The following MTHFD1L variants were observed in gnomAD, a reference collection of about 807,000 sequenced individuals.
The protein encoded by MTHFD1L is methylenetetrahydrofolate dehydrogenase (NADP+ dependent) 1 like.
In MTHFD1L, 81 loss-of-function variants were observed where a neutral mutation model predicts 119.5. That is an observed-to-expected ratio of 0.68 (90% confidence interval 0.57 to 0.82). The LOEUF (loss-of-function observed/expected upper bound fraction) is 0.82, where lower values mean the gene tolerates loss of function less well. Ranked by LOEUF, MTHFD1L falls within the 40% of genes least tolerant of loss-of-function variation. The pLI is 0.00. For synonymous variants in MTHFD1L, 430 were observed against 475.2 expected (o/e 0.90, Z 1.24); for missense variants, 1,125 against 1,253.4 (o/e 0.90, Z 1.55).
chr6:151,047,236 C>T (rs1189318390), intron 26 of MTHFD1L, among the ~76,000 whole-genome samples: 1 of 152,112 alleles, frequency 6.6e-6, no homozygotes, highest in South Asian at 2.1e-4. Flanking sequence ...GTCACTGTTT[C>T]CAAGAACCTA....
chr6:150,894,408 C>T (rs1206728956), intron 7 of MTHFD1L, among the ~76,000 whole-genome samples: 2 of 152,072 alleles, frequency 1.3e-5, no homozygotes, highest in Non-Finnish European at 2.9e-5. Context: ...GAATATTGGC[C>T]AAGGGAGTGA....
chr6:150,943,764 C>G (rs1201129418), intron 13 of MTHFD1L, among the ~76,000 whole-genome samples: 4 of 152,026 alleles, frequency 2.6e-5, no homozygotes, highest in Admixed American at 2.6e-4. Context: ...GATGATTCTA[C>G]AAATGATAAT....
rs560484016 is a variant in MTHFD1L at position 150,948,851 on chromosome 6, G to T, written c.1624-180G>T. Among the ~76,000 whole-genome samples the T allele has an allele frequency of 5.3e-5, 8 of 151,760 alleles. No individual in the cohort carries two copies. The South Asian group carries it at 1.7e-3, about 32-fold the overall frequency. ...AGATGGGGTTTCTCCATGTTGGTCA[G>T]GCTGGTCTCGAACTCCTGACCTCAG... On this transcript the variant is annotated intron_variant, in intron 15 of 27. Coordinates refer to ENST00000367321, the MANE Select transcript of MTHFD1L (RefSeq NM_015440.5).
chr6:150,913,183 CAG>C (rs1787232581), intron 8 of MTHFD1L, among the ~76,000 whole-genome samples: 1 of 151,464 alleles, frequency 6.6e-6, no homozygotes, highest in South Asian at 2.1e-4. Context: ...TTTTTTGAGG[CAG>C]AGTCTCGCTC....
chr6:150,982,700 C>CT (rs767679868), intron 20 of MTHFD1L, among the ~76,000 whole-genome samples: 297 of 144,406 alleles, frequency 2.1e-3, no homozygotes, highest in South Asian at 2.8e-3. Flanking sequence ...CCTGACACTT[C>CT]TTTTTTTTTT....
chr6:151,087,407 G>C (rs1035930839), intron 26 of MTHFD1L, among the ~76,000 whole-genome samples: 2 of 152,068 alleles, frequency 1.3e-5, no homozygotes, highest in African/African-American at 4.8e-5. Context: ...TATGTAGAAG[G>C]ACTGTCTTCT....
At chr6:150,913,946 G>T (rs1787406969) in intron 8 of MTHFD1L, among the ~76,000 whole-genome samples, 1 of 152,128 alleles carries the variant, frequency 6.6e-6, no homozygotes, top group African/African-American at 2.4e-5. Context: ...GCCTGGCCGT[G>T]GTGAAACCCT....
In MTHFD1L at chr6:151,093,408, A is replaced by AAGCATGGTGGCTCACACCTGTAATCCC. The variant is rs1554302336; in HGVS notation, c.*31+825_*31+826insTGGTGGCTCACACCTGTAATCCCAGCA. On this transcript the variant is annotated intron_variant, in intron 27 of 27. Coordinates refer to ENST00000367321, the MANE Select transcript of MTHFD1L (RefSeq NM_015440.5). ...CTTCCAAATAAGATCACTCTCAGCC[A>AAGCATGGTGGCTCACACCTGTAATCCC]AGCACTTTGGGAGGCCGAGGTGGGT... 8.4e-3 allele frequency among the ~76,000 whole-genome samples: 1,279 copies of AAGCATGGTGGCTCACACCTGTAATCCC among 151,526 alleles called. 20 individuals are homozygous for AAGCATGGTGGCTCACACCTGTAATCCC. The highest frequency in any genetic ancestry group is 0.03 in the African/African-American group (1,225 of 41,238).
chr6:150,956,177 C>T, intron 17 of MTHFD1L, 106 bp downstream of exon 17: 1 of 1,118,138 alleles, frequency 8.9e-7, no homozygotes, highest in Non-Finnish European at 1.3e-6. Context: ...CCTGTTGTGG[C>T]CAGTGGTTCT....
intron 9 of MTHFD1L, among the ~76,000 whole-genome samples, chr6:150,921,089 T>G (rs1402878283): frequency 2.0e-5 from 3 of 151,154 alleles, no homozygotes; most frequent in Non-Finnish European, 2.9e-5. Flanking sequence ...GTAGTTGGGA[T>G]TACAGGCACA....
At chr6:151,068,818 G>A (rs943054303) in intron 26 of MTHFD1L, among the ~76,000 whole-genome samples, 3 of 152,046 alleles carry the variant, frequency 2.0e-5, no homozygotes, top group African/African-American at 4.8e-5. Context: ...CACTCAGCAC[G>A]GTCAGCAATG....
At chr6:151,092,103 C>A (rs975719610) in intron 26 of MTHFD1L, among the ~76,000 whole-genome samples, 10 of 152,100 alleles carry the variant, frequency 6.6e-5, no homozygotes, top group African/African-American at 2.2e-4. Flanking sequence ...CCATTATTCA[C>A]CCTGCCCACA....
intron 27 of MTHFD1L, chr6:151,099,492 CTATG>C (rs1795175135): frequency 7.5e-7 from 1 of 1,326,702 alleles, no homozygotes; most frequent in African/African-American, 1.4e-5. Context: ...TCGGCGCTGC[CTATG>C]GAGGTGGCAG....
At chr6:150,938,775 A>G (rs765215976) in intron 13 of MTHFD1L, 30 bp downstream of exon 13, 4 of 1,588,326 alleles carry the variant, frequency 2.5e-6, no homozygotes, top group South Asian at 1.1e-5. Flanking sequence ...CGGGTCAGCT[A>G]TCACTGTGTT....
intron 18 of MTHFD1L, among the ~76,000 whole-genome samples, chr6:150,963,046 G>T (rs1796684853): frequency 1.3e-5 from 2 of 150,822 alleles, no homozygotes; most frequent in South Asian, 4.2e-4. Context: ...CTCTCGAGTT[G>T]CTGGGATGAC....
At chr6:151,046,047 C>T (rs1225938856) in intron 26 of MTHFD1L, among the ~76,000 whole-genome samples, 1 of 152,178 alleles carries the variant, frequency 6.6e-6, no homozygotes, top group Non-Finnish European at 1.5e-5. Context: ...GTTTTCCTCT[C>T]TGGTACATAA....
At position 151,076,709 on chromosome 6, in the gene MTHFD1L, G is replaced by A. The variant is rs181959681; in HGVS notation, c.2848-15758G>A. ...TGTTGGCAAGGATGTGGAACAACTG[G>A]AACCCTCATACACTGCTGGTAGGAA... On this transcript the variant is annotated intron_variant, in intron 26 of 27. Transcript: ENST00000367321. Among the ~76,000 whole-genome samples the A allele has an allele frequency of 5.0e-3, 753 of 151,610 alleles. 2 individuals carry two copies. Among genetic ancestry groups the A allele is most frequent in the Non-Finnish European group, 8.9e-3 (607 of 67,920 alleles).
chr6:151,049,447 G>A (rs1284755649), intron 26 of MTHFD1L, among the ~76,000 whole-genome samples: 5 of 148,552 alleles, frequency 3.4e-5, no homozygotes, highest in Admixed American at 6.7e-5. Flanking sequence ...AGCGGAGATC[G>A]CGCCACTGCA....
intron 26 of MTHFD1L, chr6:151,041,748 A>G (rs760794119): frequency 4.4e-6 from 2 of 454,942 alleles, no homozygotes; most frequent in Non-Finnish European, 9.0e-6. Flanking sequence ...TAACAAAGGC[A>G]GAAAGCCCCT....
Sources: gnomAD v4.1 joint callset for allele counts (sites outside exome capture counted in the v4.1 genomes callset) on GRCh38, gnomAD v4.1.1 for gene constraint, MANE v1.5 for transcripts, NCBI Gene and HGNC (gene_info 2026-07-23, HGNC 2026-07-21) for gene names.